The following NOX3 variants were observed in gnomAD, a reference collection of about 807,000 sequenced individuals.
NOX3 encodes NADPH oxidase catalytic subunit-like 3.
NOX3 carries 74 observed loss-of-function variants against 76.7 expected under a neutral mutation model. The observed-to-expected ratio is 0.96, with a 90% CI of 0.80 to 1.17. The LOEUF is 1.17. Ranked by LOEUF, NOX3 falls within the 50% of genes most tolerant of loss-of-function variation. The probability of loss-of-function intolerance (pLI) is 0.00; values close to 1 mark genes in which losing one functional copy is unlikely to be tolerated. For synonymous variants in NOX3, 263 were observed against 261.1 expected (o/e 1.01, Z -0.07); for missense variants, 695 against 703.3 (o/e 0.99, Z 0.13).
In NOX3 at chr6:155,450,179, C is replaced by T. The variant is rs576411747; in HGVS notation, c.340+3225G>A. On this transcript the variant is annotated intron_variant, in intron 4 of 13. Transcript: ENST00000159060. ...GGGAGCCCCAGGAGATATCTGGGAGCCTGGCAAAGCAGTGGGGTTCAGGAG... is the reference window on the plus strand; with the variant it reads ...GGGAGCCCCAGGAGATATCTGGGAGTCTGGCAAAGCAGTGGGGTTCAGGAG... Among the ~76,000 whole-genome samples, 16 of 152,006 alleles carry T rather than the reference C, an allele frequency of 1.1e-4. No homozygotes were observed. In the East Asian group the frequency reaches 3.1e-3, roughly 30 times the overall value.
At position 155,453,429 on chromosome 6, in the gene NOX3, G is replaced by A. The variant is rs747106586; in HGVS notation, c.315C>T (p.Val105=). Reference sequence around the variant, plus strand: ...TTGCATTAACAGCTATCCCATAGGCGACCAGTTTGTGAAATCTGAGGTTTT... The same window carrying A: ...TTGCATTAACAGCTATCCCATAGGCAACCAGTTTGTGAAATCTGAGGTTTT... ...LDKNLRFHKL[V]AYGIAVNATI... is the part of the protein sequence containing the mutation. The change falls in exon 4 of 14, where the codon GTC becomes GTT. Residue 105 remains valine, a synonymous_variant. Transcript: ENST00000159060. The A allele has an allele frequency of 6.2e-6, 10 of 1,613,468 alleles. No individual in the cohort carries two copies. The highest frequency in any genetic ancestry group is 2.2e-5 in the East Asian group (1 of 44,862).
At position 155,424,577 on chromosome 6, in the gene NOX3, A is replaced by T. The variant is rs112072494; in HGVS notation, c.1146-1721T>A. ...TTTACTATGTGTTCATGAAAGTTCA[A>T]TTGGGTTTATTTTAAATTATTCTAT... is the stretch of plus-strand genomic sequence containing the variant. On this transcript the variant is annotated intron_variant, in intron 9 of 13. Transcript: ENST00000159060. Among the ~76,000 whole-genome samples the T allele has an allele frequency of 1.1e-3, 165 of 152,380 alleles. 1 individual carries two copies. The highest frequency in any genetic ancestry group is 3.6e-3 in the African/African-American group (149 of 41,586).
chr6:155,425,901 T>G (rs545319487), intron 9 of NOX3, among the ~76,000 whole-genome samples: 1 of 152,330 alleles, frequency 6.6e-6, no homozygotes, highest in South Asian at 2.1e-4. Flanking sequence ...TCCCTTTTTC[T>G]TGGGTTTAGA....
chr6:155,402,300 C>T lies in NOX3; in HGVS notation c.1580+4830G>A, dbSNP rs9384325. 5.1e-4 allele frequency among the ~76,000 whole-genome samples: 77 copies of T among 152,202 alleles called. No individual in the cohort carries two copies. In the East Asian group the frequency reaches 0.014, roughly 29 times the overall value. On this transcript the variant is annotated intron_variant, in intron 12 of 13. Coordinates refer to ENST00000159060, the MANE Select transcript of NOX3 (RefSeq NM_015718.3). ...TTTTGTTTCATAGTACTTTTCTGTG[C>T]TTTATCTAACTGAAATACTATACAA...
chr6:155,431,413 A>AAAACAC lies in NOX3; in HGVS notation c.799-479_799-478insGTGTTT, dbSNP rs140214056. ...CAGGGTCTGCCTGAATAAACACAGA[A>AAAACAC]ACACACACACACACACACACACACA... On this transcript the variant is annotated intron_variant, in intron 7 of 13. Coordinates refer to ENST00000159060, the MANE Select transcript of NOX3 (RefSeq NM_015718.3). Among the ~76,000 whole-genome samples the AAAACAC allele has an allele frequency of 4.6e-3, 661 of 144,726 alleles. 9 individuals carry two copies. Among genetic ancestry groups the AAAACAC allele is most frequent in the African/African-American group, 0.016 (634 of 38,822 alleles). The allele number at this position is 144,726 out of a possible 152,430, so 94.9% of individuals were successfully genotyped here.
At chr6:155,415,553 T>C (rs559097305) in intron 10 of NOX3, among the ~76,000 whole-genome samples, 14 of 152,090 alleles carry the variant, frequency 9.2e-5, no homozygotes, top group Non-Finnish European at 1.8e-4. Flanking sequence ...AGAATACAGG[T>C]TTAGGATATA....
intron 4 of NOX3, among the ~76,000 whole-genome samples, chr6:155,448,541 C>T (rs1238194892): frequency 6.7e-6 from 1 of 148,568 alleles, no homozygotes; most frequent in Non-Finnish European, 1.5e-5. Flanking sequence ...CCCCAAAGTA[C>T]TTTTAAGAGA....
rs567199724 is a variant in NOX3, at chr6:155,427,087, T to A, written c.1145+1707A>T. On this transcript the variant is annotated intron_variant, in intron 9 of 13. Coordinates refer to ENST00000159060, the MANE Select transcript of NOX3 (RefSeq NM_015718.3). ...CAGTGCATCTACTTTTATTTTTGAT[T>A]TTAGGCATTTGCTCTGCACTCTGAA... Among the ~76,000 whole-genome samples the A allele has an allele frequency of 1.2e-3, 175 of 151,660 alleles. 1 individual carries two copies. Among genetic ancestry groups the A allele is most frequent in the African/African-American group, 3.9e-3 (161 of 41,294 alleles).
intron 10 of NOX3, among the ~76,000 whole-genome samples, chr6:155,421,082 C>T (rs139275121): frequency 8.9e-4 from 136 of 152,174 alleles, no homozygotes; most frequent in African/African-American, 3.1e-3. Flanking sequence ...ATTCAGGTGC[C>T]GATTCTATGA....
intron 6 of NOX3, among the ~76,000 whole-genome samples, chr6:155,437,171 A>G (rs1027972577): frequency 3.3e-5 from 5 of 152,216 alleles, no homozygotes; most frequent in Non-Finnish European, 7.3e-5. Context: ...GAAGAGTCCT[A>G]TAATCCTGCT....
intron 4 of NOX3, among the ~76,000 whole-genome samples, chr6:155,444,338 A>C (rs112661586): frequency 2.3e-3 from 347 of 152,350 alleles, no homozygotes; most frequent in African/African-American, 8.0e-3. Flanking sequence ...GGATGTGAAT[A>C]ATCCCTTTGT....
intron 10 of NOX3, among the ~76,000 whole-genome samples, chr6:155,412,208 A>G (rs148325076): frequency 2.9e-3 from 435 of 152,126 alleles, no homozygotes; most frequent in Non-Finnish European, 4.1e-3. Context: ...AACAATATCC[A>G]TGAGGGCTGG....
intron 4 of NOX3, among the ~76,000 whole-genome samples, chr6:155,444,157 G>T (rs1233135153): frequency 6.6e-6 from 1 of 152,118 alleles, no homozygotes; most frequent in Admixed American, 6.5e-5. Flanking sequence ...TTAGTATACA[G>T]TAGTCCCCCC....
chr6:155,439,951 C>T lies in NOX3; in HGVS notation c.668+5G>A. On this transcript the variant is annotated splice_donor_5th_base_variant and intron_variant, in intron 6 of 13. Transcript: ENST00000159060. ...TCCTTGCAGAGGAGCGCAGTATGGACTTACCCCGTCCCATGGATGGCCAGG... is the reference window on the plus strand; with the variant it reads ...TCCTTGCAGAGGAGCGCAGTATGGATTTACCCCGTCCCATGGATGGCCAGG... The T allele has an allele frequency of 6.2e-7, 1 of 1,612,850 alleles. No homozygotes were observed. The highest frequency in any genetic ancestry group is 8.5e-7 in the Non-Finnish European group (1 of 1,179,472).
chr6:155,428,681 C>T, intron 9 of NOX3, 113 bp downstream of exon 9: 1 of 1,064,236 alleles, frequency 9.4e-7, no homozygotes, highest in Non-Finnish European at 1.3e-6. Flanking sequence ...TAGACACAGT[C>T]TCAAACTCAC....
intron 7 of NOX3, among the ~76,000 whole-genome samples, chr6:155,436,005 G>C (rs1357035425): frequency 2.6e-5 from 4 of 152,184 alleles, no homozygotes; most frequent in Non-Finnish European, 5.9e-5. Context: ...GAAGCCCTGA[G>C]CCTCATTTGG....
chr6:155,406,607 A>G (rs1748178872), intron 12 of NOX3, among the ~76,000 whole-genome samples: 1 of 152,200 alleles, frequency 6.6e-6, no homozygotes, highest in Admixed American at 6.5e-5. Context: ...GGAAAGCACT[A>G]TTATTTTCTG....
chr6:155,397,446 C>T (rs540327693), intron 12 of NOX3, among the ~76,000 whole-genome samples: 7 of 152,300 alleles, frequency 4.6e-5, no homozygotes, highest in African/African-American at 7.2e-5. Flanking sequence ...TTCTTGGATA[C>T]GTGACCAGAT....
At position 155,411,269 on chromosome 6, in the gene NOX3, C is replaced by G; in HGVS notation, c.1400G>C (p.Gly467Ala). The G allele has an allele frequency of 2.5e-6, 4 of 1,613,846 alleles. No homozygotes were observed. Among genetic ancestry groups the G allele is most frequent in the South Asian group, 2.2e-5 (2 of 91,054 alleles). ...ATGATAACTCAGAAAGTGAGTTTTC[C>G]CCTGCTCACTCATCCGTGTTTCCAG... ...LSLETRMSEQ[G>A]KTHFLSYHIF... Residue 467 changes from glycine to alanine, a missense_variant, in exon 11 of 14, where the codon GGG becomes GCG. Physicochemically the swap from Gly to Ala is moderately conservative, Grantham distance 60. Coordinates refer to ENST00000159060, the MANE Select transcript of NOX3 (RefSeq NM_015718.3).
Sources: allele counts gnomAD v4.1 joint callset (sites outside exome capture counted in the v4.1 genomes callset), GRCh38; gene constraint gnomAD v4.1.1; transcripts MANE v1.5; gene names NCBI Gene and HGNC (gene_info 2026-07-23, HGNC 2026-07-21).